CNTNAP2: variants seen among roughly 807,000 people sequenced by gnomAD.
The protein encoded by CNTNAP2 is contactin-associated protein-like 2.
In CNTNAP2, 98 loss-of-function variants were observed where a neutral mutation model predicts 155.2. The observed-to-expected ratio is 0.63, with a 90% CI of 0.54 to 0.75. The LOEUF is 0.75. Ranked by LOEUF, CNTNAP2 falls within the 30% of genes least tolerant of loss-of-function variation. The pLI is 0.00. For synonymous variants in CNTNAP2, 651 were observed against 631.2 expected (o/e 1.03, Z -0.47); for missense variants, 1,727 against 1,688.1 (o/e 1.02, Z -0.40).
intron 15 of CNTNAP2, among the ~76,000 whole-genome samples, chr7:148,075,189 C>T (rs544296017): frequency 6.6e-6 from 1 of 152,282 alleles, no homozygotes; most frequent in African/African-American, 2.4e-5. Flanking sequence ...GTCATCCCAG[C>T]ACTTTGGGAG....
chr7:147,642,190 G>C (rs931165812), intron 13 of CNTNAP2, among the ~76,000 whole-genome samples: 1 of 152,064 alleles, frequency 6.6e-6, no homozygotes. Context: ...CAGTTAATTA[G>C]TCTTCAGTCC....
chr7:146,511,557 T>G (rs912355345), intron 1 of CNTNAP2, among the ~76,000 whole-genome samples: 2 of 152,336 alleles, frequency 1.3e-5, no homozygotes, highest in African/African-American at 4.8e-5. Flanking sequence ...TTTTAAAAAT[T>G]CTGTTAATAT....
intron 1 of CNTNAP2, among the ~76,000 whole-genome samples, chr7:146,322,160 T>G (rs1801014951): frequency 6.6e-6 from 1 of 152,148 alleles, no homozygotes; most frequent in African/African-American, 2.4e-5. Context: ...TTATTCTGCC[T>G]AAGGCCAATA....
chr7:147,356,608 C>T (rs190156504), intron 9 of CNTNAP2, among the ~76,000 whole-genome samples: 1 of 152,218 alleles, frequency 6.6e-6, no homozygotes, highest in East Asian at 1.9e-4. Flanking sequence ...AGAAAGTCTT[C>T]TCTCACCTAC....
At chr7:146,353,157 C>T (rs868024005) in intron 1 of CNTNAP2, among the ~76,000 whole-genome samples, 4 of 152,136 alleles carry the variant, frequency 2.6e-5, no homozygotes, top group African/African-American at 9.7e-5. Context: ...ATAATTTACT[C>T]TGATTAGGCT....
At chr7:146,420,285 A>G (rs1485524086) in intron 1 of CNTNAP2, among the ~76,000 whole-genome samples, 2 of 152,098 alleles carry the variant, frequency 1.3e-5, no homozygotes, top group Non-Finnish European at 2.9e-5. Flanking sequence ...AGAGTCTTGA[A>G]TAAACTTATT....
chr7:147,457,808 A>G (rs1416689872), intron 10 of CNTNAP2, among the ~76,000 whole-genome samples: 2 of 151,434 alleles, frequency 1.3e-5, no homozygotes, highest in South Asian at 2.1e-4. Flanking sequence ...ACTAAGCAAT[A>G]TCTATGCTAC....
chr7:147,191,932 G>A (rs1802687551), intron 8 of CNTNAP2, among the ~76,000 whole-genome samples: 1 of 152,202 alleles, frequency 6.6e-6, no homozygotes, highest in South Asian at 2.1e-4. Flanking sequence ...GTCCTGTCCT[G>A]TTTGTAAGCT....
chr7:146,796,997 A>G (rs141346473), intron 2 of CNTNAP2, among the ~76,000 whole-genome samples: 2,276 of 152,104 alleles, frequency 0.015, 54 homozygotes, highest in African/African-American at 0.048. Context: ...TTAGCCAGGC[A>G]TGGTGGCGGG....
chr7:146,577,076 G>A (rs1798536432), intron 1 of CNTNAP2, among the ~76,000 whole-genome samples: 1 of 152,002 alleles, frequency 6.6e-6, no homozygotes, highest in Admixed American at 6.6e-5. Context: ...AACTTAGATT[G>A]CTGAATTAGA....
chr7:148,260,425 A>G (rs1796538146), intron 20 of CNTNAP2, among the ~76,000 whole-genome samples: 1 of 152,204 alleles, frequency 6.6e-6, no homozygotes, highest in Non-Finnish European at 1.5e-5. Context: ...ATCAGCACAA[A>G]GCCTTGTACA....
intron 8 of CNTNAP2, among the ~76,000 whole-genome samples, chr7:147,284,053 C>T (rs2116731644): frequency 6.6e-6 from 1 of 151,640 alleles, no homozygotes; most frequent in East Asian, 1.9e-4. Flanking sequence ...TGTTCCATGG[C>T]CATTGTGTTT....
At chr7:148,259,128 A>C (rs2116828603) in intron 20 of CNTNAP2, among the ~76,000 whole-genome samples, 1 of 146,940 alleles carries the variant, frequency 6.8e-6, no homozygotes, top group East Asian at 2.0e-4. Context: ...GCAGTGAGCC[A>C]AGATCACACC....
At chr7:147,897,771 T>C (rs956695965) in intron 13 of CNTNAP2, among the ~76,000 whole-genome samples, 1 of 152,208 alleles carries the variant, frequency 6.6e-6, no homozygotes, top group Admixed American at 6.5e-5. Flanking sequence ...AAATGGGATA[T>C]TTCAACGCTT....
intron 1 of CNTNAP2, among the ~76,000 whole-genome samples, chr7:146,351,837 G>T (rs989299840): frequency 6.8e-6 from 1 of 146,688 alleles, no homozygotes; most frequent in Non-Finnish European, 1.6e-5. Context: ...CTTCTTTGCT[G>T]TGAGGTCTGT....
rs575959677 is a variant in CNTNAP2, at chr7:146,351,726, C to T, written c.97+234753C>T. On this transcript the variant is annotated intron_variant, in intron 1 of 23. Coordinates refer to ENST00000361727, the MANE Select transcript of CNTNAP2 (RefSeq NM_014141.6). ...CTTTTTCTAAGTTAAATGGCTCTCA[C>T]ATTATATTGCCATCGTCATTAGCAT... 3.9e-5 allele frequency among the ~76,000 whole-genome samples: 6 copies of T among 152,278 alleles called. No individual in the cohort carries two copies. In the South Asian group the frequency reaches 1.2e-3, roughly 32 times the overall value.
intron 8 of CNTNAP2, among the ~76,000 whole-genome samples, chr7:147,137,466 T>C (rs1801508517): frequency 6.6e-6 from 1 of 151,796 alleles, no homozygotes; most frequent in East Asian, 1.9e-4. Context: ...CCAATAAACA[T>C]CAATTGTTCT....
chr7:146,498,499 A>G lies in CNTNAP2; in HGVS notation c.98-275772A>G, dbSNP rs907879180. Among the ~76,000 whole-genome samples the G allele has an allele frequency of 5.3e-5, 8 of 152,192 alleles. 1 individual carries two copies. Among genetic ancestry groups the G allele is most frequent in the African/African-American group, 1.7e-4 (7 of 41,460 alleles). On this transcript the variant is annotated intron_variant, in intron 1 of 23. Coordinates refer to ENST00000361727, the MANE Select transcript of CNTNAP2 (RefSeq NM_014141.6). Reference sequence around the variant, plus strand: ...AACAATTTAATTCACATTACTTAAAATTCTATAAGCTTTTCCCCCCAAACT... The same window carrying G: ...AACAATTTAATTCACATTACTTAAAGTTCTATAAGCTTTTCCCCCCAAACT...
At chr7:146,233,007 A>G (rs1799411566) in intron 1 of CNTNAP2, among the ~76,000 whole-genome samples, 2 of 152,102 alleles carry the variant, frequency 1.3e-5, no homozygotes, top group Admixed American at 1.3e-4. Context: ...TTGGAATGTA[A>G]TCCGTTTAGG....
Sources: allele counts gnomAD v4.1 joint callset (sites outside exome capture counted in the v4.1 genomes callset), GRCh38; gene constraint gnomAD v4.1.1; transcripts MANE v1.5; gene names NCBI Gene and HGNC (gene_info 2026-07-23, HGNC 2026-07-21).